Variants in WWP2 observed in about 807,000 individuals in gnomAD.
WWP2 encodes NEDD4-like E3 ubiquitin-protein ligase WWP2.
WWP2 carries 57 observed loss-of-function variants against 121.0 expected under a neutral mutation model. That is an observed-to-expected ratio of 0.47 (90% CI 0.38 to 0.59). The LOEUF (loss-of-function observed/expected upper bound fraction) is 0.59. Among genes scored for constraint, WWP2 ranks in the 20% least tolerant of loss-of-function variants. The probability of loss-of-function intolerance (pLI) is 0.00; values close to 1 mark genes in which losing one functional copy is unlikely to be tolerated. For synonymous variants in WWP2, 449 were observed against 441.3 expected (o/e 1.02, Z -0.22); for missense variants, 962 against 1,158.9 (o/e 0.83, Z 2.47).
At chr16:69,780,255 C>CT (rs74895198) in intron 1 of WWP2, among the ~76,000 whole-genome samples, 209 of 134,976 alleles carry the variant, frequency 1.5e-3, no homozygotes, top group South Asian at 6.6e-3. Flanking sequence ...TGCCACTTGC[C>CT]TTTTTTTTTT....
intron 6 of WWP2, among the ~76,000 whole-genome samples, chr16:69,850,491 A>G (rs545524836): frequency 6.6e-6 from 1 of 152,142 alleles, no homozygotes; most frequent in East Asian, 1.9e-4. Flanking sequence ...TGATGGATCC[A>G]TGGTGATGGT....
chr16:69,763,552 T>C (rs1172035475), intron 1 of WWP2, among the ~76,000 whole-genome samples: 1 of 152,246 alleles, frequency 6.6e-6, no homozygotes, highest in Non-Finnish European at 1.5e-5. Context: ...TTCAAGTTTT[T>C]GGAGTTATTT....
At chr16:69,915,799 T>C (rs2058471702) in intron 9 of WWP2, among the ~76,000 whole-genome samples, 1 of 152,096 alleles carries the variant, frequency 6.6e-6, no homozygotes, top group South Asian at 2.1e-4. Flanking sequence ...TTTGGGAGGC[T>C]GAGGCGAGAG....
intron 8 of WWP2, among the ~76,000 whole-genome samples, chr16:69,892,003 T>G (rs1014632045): frequency 2.1e-4 from 32 of 152,304 alleles, no homozygotes; most frequent in African/African-American, 7.0e-4. Flanking sequence ...GCATACGATT[T>G]ATTAAGTGAC....
intron 9 of WWP2, chr16:69,910,529 C>T (rs1340365697): frequency 8.9e-6 from 2 of 225,152 alleles, no homozygotes; most frequent in African/African-American, 4.7e-5. Context: ...CCTGTCTCAG[C>T]CTCCTAAGTA....
At chr16:69,862,708 CTTTTTTTTTTTTT>C (rs546868069) in intron 6 of WWP2, among the ~76,000 whole-genome samples, 1 of 76,508 alleles carries the variant, frequency 1.3e-5, no homozygotes, top group Non-Finnish European at 2.5e-5. Context: ...GCCATGAATT[CTTTTTTTTTTTTT>C]TTTTTTTTTT....
intron 6 of WWP2, among the ~76,000 whole-genome samples, chr16:69,860,955 G>T (rs1374015334): frequency 6.6e-6 from 1 of 152,174 alleles, no homozygotes; most frequent in Non-Finnish European, 1.5e-5. Flanking sequence ...CAGTGAGTGG[G>T]CCAGATTCAA....
chr16:69,939,112 C>A lies in WWP2; in HGVS notation c.2429C>A (p.Ala810Asp), dbSNP rs1344906971. Reference sequence around the variant, plus strand: ...TGCCGCCTGCCCGTCGGGGGATTTGCCGAACTCATCGGTATGTTTTCTCTC... The same window carrying A: ...TGCCGCCTGCCCGTCGGGGGATTTGACGAACTCATCGGTATGTTTTCTCTC... ...GTCRLPVGGF[A>D]ELIGSNGPQK... The change falls in exon 22 of 24, where the codon GCC becomes GAC. Residue 810 changes from alanine to aspartate, a missense_variant. Ala to Asp is a moderately radical substitution (Grantham distance 126, BLOSUM62 -2). Coordinates refer to ENST00000359154, the MANE Select transcript of WWP2 (RefSeq NM_001270454.2). 12 of 1,599,494 alleles carry A rather than the reference C, an allele frequency of 7.5e-6. No homozygotes were observed.
At chr16:69,774,362 C>T (rs2055479481) in intron 1 of WWP2, among the ~76,000 whole-genome samples, 1 of 151,818 alleles carries the variant, frequency 6.6e-6, no homozygotes, top group East Asian at 1.9e-4. Flanking sequence ...CTCAAGCGAT[C>T]CTCCCACCTC....
chr16:69,925,285 TG>T lies in WWP2; in HGVS notation c.1180-144del. On this transcript the variant is annotated intron_variant, in intron 10 of 23. Transcript: ENST00000359154. The surrounding 1 kb of genome is among the most constrained non-coding windows in gnomAD (Gnocchi z 4.0). ...AACAGAGACTTTTGAGAGGAGCAGA[TG>T]CCACCTAAAGTCCCACTGCATTCCC... 1.4e-6 allele frequency: 2 copies of T among 1,474,700 alleles called. No individual in the cohort carries two copies. Among genetic ancestry groups the T allele is most frequent in the Non-Finnish European group, 1.8e-6 (2 of 1,111,008 alleles). The allele number at this position is 1,474,700 out of a possible 1,614,324, so 91.4% of individuals were successfully genotyped here.
intron 13 of WWP2, among the ~76,000 whole-genome samples, chr16:69,930,743 A>C (rs541666015): frequency 6.6e-6 from 1 of 152,158 alleles, no homozygotes; most frequent in East Asian, 1.9e-4. Context: ...GTGGTAGCAC[A>C]CTCCTGTAGT....
At chr16:69,791,206 C>G (rs1041103257) in intron 2 of WWP2, among the ~76,000 whole-genome samples, 2 of 151,758 alleles carry the variant, frequency 1.3e-5, no homozygotes, top group African/African-American at 4.9e-5. Context: ...CAGCCACGCA[C>G]ACTTACTTCT....
intron 4 of WWP2, among the ~76,000 whole-genome samples, chr16:69,802,322 A>G (rs996575700): frequency 2.0e-5 from 3 of 152,150 alleles, no homozygotes; most frequent in Non-Finnish European, 4.4e-5. Flanking sequence ...AAGTACATTC[A>G]CCTTGTACAA....
chr16:69,833,880 G>A (rs532728171), intron 4 of WWP2, among the ~76,000 whole-genome samples: 2 of 152,316 alleles, frequency 1.3e-5, no homozygotes, highest in African/African-American at 4.8e-5. Flanking sequence ...GCGGGGCCTG[G>A]CTGATGTGCT....
chr16:69,807,336 A>C (rs986275407), intron 4 of WWP2, among the ~76,000 whole-genome samples: 1 of 151,976 alleles, frequency 6.6e-6, no homozygotes, highest in African/African-American at 2.4e-5. Context: ...TGCCTGGCCT[A>C]TCCTTGTCTA....
At chr16:69,876,124 A>G (rs1035100341) in intron 7 of WWP2, among the ~76,000 whole-genome samples, 1 of 151,806 alleles carries the variant, frequency 6.6e-6, no homozygotes, top group African/African-American at 2.4e-5. Flanking sequence ...CACCCAGCTA[A>G]TTTTTGTATT....
At chr16:69,854,541 C>CT (rs145289296) in intron 6 of WWP2, among the ~76,000 whole-genome samples, 44 of 147,230 alleles carry the variant, frequency 3.0e-4, no homozygotes, top group Non-Finnish European at 3.9e-4. Context: ...GTAGGCTTTT[C>CT]TTTTTTTTTT....
At position 69,867,786 on chromosome 16, in the gene WWP2, T is replaced by G. The variant is rs141694328; in HGVS notation, c.576-4018T>G. ...TTGTGGAGTTTGGCCTGACTGGCAC[T>G]GCCATTCTAACTGCTTTCTGCCTGC... On this transcript the variant is annotated intron_variant, in intron 6 of 23. Coordinates refer to ENST00000359154, the MANE Select transcript of WWP2 (RefSeq NM_001270454.2). Among the ~76,000 whole-genome samples, 772 of 152,330 alleles carry G rather than the reference T, an allele frequency of 5.1e-3. 6 individuals are homozygous for G. The highest frequency in any genetic ancestry group is 0.018 in the African/African-American group (740 of 41,570).
intron 4 of WWP2, among the ~76,000 whole-genome samples, chr16:69,817,713 C>G (rs1009495233): frequency 2.8e-5 from 4 of 142,520 alleles, no homozygotes; most frequent in Non-Finnish European, 6.0e-5. Context: ...CTCCGTCACA[C>G]AGGGGTGTGA....
Sources: allele counts gnomAD v4.1 joint callset (sites outside exome capture counted in the v4.1 genomes callset), GRCh38; gene constraint gnomAD v4.1.1; non-coding constraint Gnocchi (gnomAD v3.1); transcripts MANE v1.5; gene names NCBI Gene and HGNC (gene_info 2026-07-23, HGNC 2026-07-21).